The following MSH3 variants were observed in gnomAD, a reference collection of about 807,000 sequenced individuals.
MSH3 encodes the protein DNA mismatch repair protein Msh3.
Under a neutral mutation model 123.3 loss-of-function variants are expected in MSH3, and 106 were observed. The observed-to-expected ratio is 0.86, with a 90% confidence interval of 0.73 to 1.01. The LOEUF (loss-of-function observed/expected upper bound fraction) is 1.01. Ranked by LOEUF, MSH3 falls within the 50% of genes least tolerant of loss-of-function variation. MSH3 has a pLI of 0.00. For synonymous variants in MSH3, 515 were observed against 481.4 expected (o/e 1.07, Z -0.91); for missense variants, 1,459 against 1,347.6 (o/e 1.08, Z -1.29).
intron 22 of MSH3, among the ~76,000 whole-genome samples, chr5:80,872,458 G>C (rs1746235082): frequency 6.6e-6 from 1 of 152,096 alleles, no homozygotes. Flanking sequence ...GACAGAGTCA[G>C]ACCCTGTCTC....
At chr5:80,806,336 A>G (rs1038024698) in intron 19 of MSH3, among the ~76,000 whole-genome samples, 1 of 152,256 alleles carries the variant, frequency 6.6e-6, no homozygotes, top group East Asian at 1.9e-4. Context: ...ACCTCAGATG[A>G]TCTGCCCGCC....
chr5:80,671,122 CAA>C (rs36020965), intron 4 of MSH3, among the ~76,000 whole-genome samples: 41,831 of 145,016 alleles, frequency 0.29, 6,034 homozygotes, highest in Middle Eastern at 0.36. Flanking sequence ...GACTCTGTCT[CAA>C]AAAAAAAAAA....
At chr5:80,695,781 A>G (rs6151679) in intron 8 of MSH3, among the ~76,000 whole-genome samples, 3 of 151,650 alleles carry the variant, frequency 2.0e-5, no homozygotes, top group Non-Finnish European at 4.4e-5. Context: ...TAATTCTGAC[A>G]TCTCTGTTAT....
chr5:80,682,614 A>C lies in MSH3; in HGVS notation c.1340+3521A>C, dbSNP rs371057396. Among the ~76,000 whole-genome samples, 7 of 152,276 alleles carry C rather than the reference A, an allele frequency of 4.6e-5. 1 individual carries two copies. The highest frequency in any genetic ancestry group is 1.7e-4 in the African/African-American group (7 of 41,576). Reference sequence around the variant, plus strand: ...TTTTTTGTAGGTACATAATAGATGTATATATTTATGGGTTACATGAGATAC... The same window carrying C: ...TTTTTTGTAGGTACATAATAGATGTCTATATTTATGGGTTACATGAGATAC... On this transcript the variant is annotated intron_variant, in intron 8 of 23. Coordinates refer to ENST00000265081, the MANE Select transcript of MSH3 (RefSeq NM_002439.5).
At chr5:80,758,588 C>G (rs1743971521) in intron 12 of MSH3, among the ~76,000 whole-genome samples, 1 of 152,156 alleles carries the variant, frequency 6.6e-6, no homozygotes, top group African/African-American at 2.4e-5. Context: ...GGGTTAAAAC[C>G]AAACTGATTG....
intron 9 of MSH3, 66 bp downstream of exon 9, chr5:80,725,631 G>T (rs1743278817): frequency 9.5e-7 from 1 of 1,051,186 alleles, no homozygotes; most frequent in South Asian, 1.3e-5. Context: ...GTATTAGTAT[G>T]ATTCTCAATT....
chr5:80,761,712 T>C (rs774956863), intron 13 of MSH3, 34 bp downstream of exon 13: 3 of 1,612,118 alleles, frequency 1.9e-6, no homozygotes, highest in Non-Finnish European at 2.5e-6. Context: ...AAGCTGACAG[T>C]GTTCTTCAGC....
At chr5:80,660,920 T>A (rs1249504383) in intron 2 of MSH3, among the ~76,000 whole-genome samples, 1 of 152,144 alleles carries the variant, frequency 6.6e-6, no homozygotes, top group Non-Finnish European at 1.5e-5. Context: ...TGCCTCAGCC[T>A]CTGGAGTAGC....
At position 80,768,911 on chromosome 5, in the gene MSH3, G is replaced by C. The variant is rs1434492542; in HGVS notation, c.2161G>C (p.Gly721Arg). The part of the protein sequence containing the change: ...LIKKRKDEIQ[G>R]VIDEIRMHLQ... ...AAAAAAGAGGAAGGATGAAATTCAA[G>C]GTGTTATTGACGAGATCCGAATGCA... Residue 721 changes from glycine to arginine, a missense_variant, in exon 15 of 24, where the codon GGT becomes CGT. Transcript: ENST00000265081. 1 of 1,612,258 alleles carries C rather than the reference G, an allele frequency of 6.2e-7. No homozygotes were observed. The highest frequency in any genetic ancestry group is 1.1e-5 in the South Asian group (1 of 91,000).
intron 1 of MSH3, among the ~76,000 whole-genome samples, 196 bp from the exon 2 acceptor site, chr5:80,656,215 A>C (rs380691): frequency 2.6e-5 from 4 of 152,002 alleles, no homozygotes; most frequent in Non-Finnish European, 4.4e-5. Flanking sequence ...GCTCCTGACT[A>C]TCAGACTCTA....
At chr5:80,793,894 G>C (rs533431113) in intron 19 of MSH3, among the ~76,000 whole-genome samples, 1 of 152,170 alleles carries the variant, frequency 6.6e-6, no homozygotes, top group Non-Finnish European at 1.5e-5. Flanking sequence ...AAGTGGTAAG[G>C]ATTGATCTTA....
intron 19 of MSH3, among the ~76,000 whole-genome samples, chr5:80,795,696 T>A (rs1177206938): frequency 3.9e-5 from 6 of 152,200 alleles, no homozygotes; most frequent in Non-Finnish European, 7.3e-5. Flanking sequence ...TTTTAGGAAA[T>A]TTTTATATGT....
At chr5:80,696,969 T>A (rs1232766170) in intron 8 of MSH3, among the ~76,000 whole-genome samples, 2 of 152,164 alleles carry the variant, frequency 1.3e-5, no homozygotes, top group Non-Finnish European at 2.9e-5. Flanking sequence ...CTGTTTACAG[T>A]TTAAGAATGT....
chr5:80,826,750 C>T (rs891345987), intron 20 of MSH3, among the ~76,000 whole-genome samples: 3 of 151,930 alleles, frequency 2.0e-5, no homozygotes, highest in African/African-American at 7.3e-5. Flanking sequence ...AGTTTCACCA[C>T]ATTGGGCAAG....
At chr5:80,679,212 G>A (rs1749912568) in intron 8 of MSH3, 119 bp downstream of exon 8, 5 of 1,063,560 alleles carry the variant, frequency 4.7e-6, no homozygotes, top group Non-Finnish European at 5.6e-6. Flanking sequence ...TATTTCCACT[G>A]TAGTAGTGGA....
intron 8 of MSH3, among the ~76,000 whole-genome samples, chr5:80,707,121 A>T (rs1377873026): frequency 6.6e-6 from 1 of 152,240 alleles, no homozygotes; most frequent in Non-Finnish European, 1.5e-5. Context: ...ACATAAGTGG[A>T]GTCAGTACAG....
intron 7 of MSH3, among the ~76,000 whole-genome samples, chr5:80,678,652 A>G (rs1252730312): frequency 6.6e-6 from 1 of 152,168 alleles, no homozygotes; most frequent in Non-Finnish European, 1.5e-5. Context: ...AGTGTTTGGT[A>G]ACTTGCCATA....
Position 80,744,125 on chromosome 5 carries a change from T to C in MSH3, c.1654-381T>C, listed in dbSNP as rs6151750. ...ATCTCCAGCACCTTGTTCAGTGTTG[T>C]CATGAGAGCATTGGTTTATAAAATG... On this transcript the variant is annotated intron_variant, in intron 11 of 23. Coordinates refer to ENST00000265081, the MANE Select transcript of MSH3 (RefSeq NM_002439.5). Among the ~76,000 whole-genome samples the C allele has an allele frequency of 3.7e-3, 564 of 152,288 alleles. 2 individuals are homozygous for C. The highest frequency in any genetic ancestry group is 6.6e-3 in the Non-Finnish European group (447 of 68,016).
At chr5:80,776,928 A>ATAT (rs71640414) in intron 16 of MSH3, among the ~76,000 whole-genome samples, 236 of 139,392 alleles carry the variant, frequency 1.7e-3, no homozygotes, top group African/African-American at 4.2e-3. Context: ...ATATATATAT[A>ATAT]TTTTTTTTTT....
Sources: allele counts gnomAD v4.1 joint callset (sites outside exome capture counted in the v4.1 genomes callset), GRCh38; gene constraint gnomAD v4.1.1; transcripts MANE v1.5; gene names NCBI Gene and HGNC (gene_info 2026-07-23, HGNC 2026-07-21).